Variants in NAT1 observed in about 807,000 individuals in gnomAD.
The protein encoded by NAT1 is N-acetyltransferase 1.
For missense variants in NAT1, 400 were observed against 339.2 expected (o/e 1.18, Z -1.41); for synonymous variants, 144 against 122.6 (o/e 1.17, Z -1.16).
chr8:18,172,976 C>G (rs1802152530), intron 2 of NAT1, among the ~76,000 whole-genome samples: 1 of 152,084 alleles, frequency 6.6e-6, no homozygotes, highest in African/African-American at 2.4e-5. Flanking sequence ...TAGACGCACA[C>G]ATTTTATCAT....
chr8:18,183,941 AG>A (rs1174279869), intron 2 of NAT1, among the ~76,000 whole-genome samples: 1 of 152,190 alleles, frequency 6.6e-6, no homozygotes, highest in African/African-American at 2.4e-5. Flanking sequence ...TGCTGGGTTC[AG>A]CCCACACAGC....
chr8:18,213,082 T>TTA (rs1345559633), intron 1 of NAT1, among the ~76,000 whole-genome samples: 6 of 148,724 alleles, frequency 4.0e-5, no homozygotes, highest in Non-Finnish European at 9.0e-5. Context: ...TTTTTTTTTT[T>TTA]AATTTTTTAT....
At chr8:18,201,266 A>G (rs1803451049) in intron 2 of NAT1, 1 of 152,242 alleles carries the variant, frequency 6.6e-6, no homozygotes, top group African/African-American at 2.4e-5. Context: ...GTTTAAACTC[A>G]TTACCAATTC....
rs550924556 is a variant in NAT1 at position 18,197,474 on chromosome 8, G to A, written n.93-12307G>A. ...GAGACATTTTTGGTTGTTACCACTA[G>A]GTAGTGCTATTGGCATCTAGTGGGT... On this transcript the variant is annotated intron_variant and non_coding_transcript_variant, in intron 2 of 4. Transcript: ENST00000517441. Among the ~76,000 whole-genome samples, 36 of 152,126 alleles carry A rather than the reference G, an allele frequency of 2.4e-4. 1 individual carries two copies. Among genetic ancestry groups the A allele is most frequent in the Non-Finnish European group, 4.6e-4 (31 of 68,032 alleles).
rs28383684 is a variant in NAT1, at chr8:18,197,288, A to AT, written n.93-12485dup. Among the ~76,000 whole-genome samples the AT allele has an allele frequency of 8.8e-3, 1,332 of 152,160 alleles. 18 individuals carry two copies. Among genetic ancestry groups the AT allele is most frequent in the African/African-American group, 0.03 (1,247 of 41,502 alleles). On this transcript the variant is annotated intron_variant and non_coding_transcript_variant, in intron 2 of 4. Coordinates refer to the NAT1 transcript ENST00000517441. ...ATTCTTAAGCAATTTTGTGACACAGATTTTTTTTATTATCCCCACTTTATA... is the reference window on the plus strand; with the variant it reads ...ATTCTTAAGCAATTTTGTGACACAGATTTTTTTTTATTATCCCCACTTTATA...
intron 1 of NAT1, among the ~76,000 whole-genome samples, chr8:18,213,882 C>T (rs571879134): frequency 1.3e-5 from 2 of 150,900 alleles, no homozygotes; most frequent in Non-Finnish European, 2.9e-5. Flanking sequence ...GGCACTATCT[C>T]GGCTCACTGC....
intron 2 of NAT1, among the ~76,000 whole-genome samples, chr8:18,185,983 G>C (rs1007492854): frequency 3.3e-5 from 5 of 152,146 alleles, no homozygotes; most frequent in East Asian, 3.9e-4. Flanking sequence ...TTGGTTTCTA[G>C]TTTAATTGCG....
intron 2 of NAT1, among the ~76,000 whole-genome samples, chr8:18,175,767 T>A (rs1445983754): frequency 1.3e-5 from 2 of 152,072 alleles, no homozygotes; most frequent in Non-Finnish European, 2.9e-5. Flanking sequence ...ATTATATTTT[T>A]AGTTTTTTTG....
chr8:18,192,466 G>A (rs557941568), intron 2 of NAT1, among the ~76,000 whole-genome samples: 2 of 152,140 alleles, frequency 1.3e-5, no homozygotes, highest in Admixed American at 6.6e-5. Context: ...CAAATACCAT[G>A]TGACCCAGCC....
intron 2 of NAT1, among the ~76,000 whole-genome samples, chr8:18,197,877 A>T (rs7388368): frequency 1.1e-4 from 17 of 151,330 alleles, no homozygotes; most frequent in African/African-American, 3.9e-4. Context: ...GGTTCTGGGA[A>T]GTATGTTTAT....
rs549603020 is a variant in NAT1, at chr8:18,191,684, G to A, written n.93-18097G>A. 2.7e-3 allele frequency among the ~76,000 whole-genome samples: 415 copies of A among 152,128 alleles called. 1 individual carries two copies. Among genetic ancestry groups the A allele is most frequent in the African/African-American group, 9.6e-3 (400 of 41,482 alleles). ...ACAGAACAGAGCCCTCAGAAATAAC[G>A]CCGCATATCTACAACTATCTGATCT... On this transcript the variant is annotated intron_variant and non_coding_transcript_variant, in intron 2 of 4. Coordinates refer to the NAT1 transcript ENST00000517441.
chr8:18,198,238 G>T (rs917891078), intron 2 of NAT1, among the ~76,000 whole-genome samples: 2 of 152,108 alleles, frequency 1.3e-5, no homozygotes, highest in African/African-American at 4.8e-5. Flanking sequence ...TTCATGTGAG[G>T]TGCCCTCTAC....
At chr8:18,208,902 C>T (rs1289239567), upstream of NAT1, among the ~76,000 whole-genome samples, 1 of 152,146 alleles carries the variant, frequency 6.6e-6, no homozygotes, top group Non-Finnish European at 1.5e-5. Context: ...TCCGCCAGAC[C>T]CTAAAACAAA....
chr8:18,208,442 A>G (rs919465302), upstream of NAT1, among the ~76,000 whole-genome samples: 2 of 152,244 alleles, frequency 1.3e-5, no homozygotes, highest in Admixed American at 6.5e-5. Flanking sequence ...TACAGAATCA[A>G]CATACAAAAA....
In NAT1 at chr8:18,188,651, T is replaced by C. The variant is rs529804804; in HGVS notation, n.92+17912T>C. 4.6e-5 allele frequency among the ~76,000 whole-genome samples: 7 copies of C among 152,196 alleles called. No homozygotes were observed. The South Asian group carries it at 1.0e-3, about 23-fold the overall frequency. The stretch of plus-strand genomic sequence containing the variant: ...AGTGGCTTTTTTAGTTTTTTAGCTT[T>C]TTTAAATGAAATTTAATTTTTTAAT... On this transcript the variant is annotated intron_variant and non_coding_transcript_variant, in intron 2 of 4. Coordinates refer to the NAT1 transcript ENST00000517441.
chr8:18,178,919 A>G (rs1406682910), intron 2 of NAT1, among the ~76,000 whole-genome samples: 2 of 152,232 alleles, frequency 1.3e-5, no homozygotes, highest in East Asian at 1.9e-4. Flanking sequence ...TTACGCTTCA[A>G]CCTCACTAAA....
At chr8:18,199,096 T>A (rs1803355319) in intron 2 of NAT1, among the ~76,000 whole-genome samples, 1 of 152,000 alleles carries the variant, frequency 6.6e-6, no homozygotes, top group African/African-American at 2.4e-5. Flanking sequence ...GGTGGATTAC[T>A]TGAGGTCAGG....
At chr8:18,207,378 A>G (rs1803768986), upstream of NAT1, among the ~76,000 whole-genome samples, 1 of 148,348 alleles carries the variant, frequency 6.7e-6, no homozygotes, top group Non-Finnish European at 1.5e-5. Context: ...GTTCCATATG[A>G]ATTTTAAAAT....
intron 2 of NAT1, among the ~76,000 whole-genome samples, chr8:18,193,501 TATATA>T (rs1398069115): frequency 7.6e-6 from 1 of 130,962 alleles, no homozygotes; most frequent in African/African-American, 3.7e-5. Context: ...GATATATATA[TATATA>T]ATATATATAT....
Sources: gnomAD v4.1 joint callset for allele counts (sites outside exome capture counted in the v4.1 genomes callset) on GRCh38, gnomAD v4.1.1 for gene constraint, MANE v1.5 for transcripts, NCBI Gene and HGNC (gene_info 2026-07-23, HGNC 2026-07-21) for gene names.